THRAP3: variants seen among roughly 807,000 people sequenced by gnomAD.
The protein encoded by THRAP3 is thyroid hormone receptor associated protein 3.
In THRAP3, 16 loss-of-function variants were observed where a neutral mutation model predicts 101.0. The observed-to-expected ratio is 0.16, with a 90% CI of 0.11 to 0.24. THRAP3 has a LOEUF of 0.24. Among genes scored for constraint, THRAP3 ranks in the 10% least tolerant of loss-of-function variants. THRAP3 has a pLI of 1.00. For synonymous variants in THRAP3, 407 were observed against 422.6 expected, an observed-to-expected ratio of 0.96 and a Z score of 0.45; for missense variants, 989 against 1,202.7, an observed-to-expected ratio of 0.82 and a Z score of 2.63.
At chr1:36,222,608 A>C (rs1644908971), upstream of THRAP3, among the ~76,000 whole-genome samples, 1 of 151,964 alleles carries the variant, frequency 6.6e-6, no homozygotes, top group African/African-American at 2.4e-5. Flanking sequence ...GGGTTTCGCC[A>C]TGTTGGCTGG....
intron 2 of THRAP3, among the ~76,000 whole-genome samples, chr1:36,266,000 A>G (rs1447579671): frequency 1.3e-5 from 2 of 151,962 alleles, no homozygotes; most frequent in Admixed American, 6.6e-5. Flanking sequence ...TTGAAAATAC[A>G]AAGATTAGCC....
chr1:36,282,789 G>A (rs1645751076), intron 3 of THRAP3, 89 bp downstream of exon 3: 1 of 1,473,480 alleles, frequency 6.8e-7, no homozygotes, highest in South Asian at 1.2e-5. Context: ...TTTCCTGTGA[G>A]TGTCAAATGG....
intron 9 of THRAP3, among the ~76,000 whole-genome samples, chr1:36,299,678 T>G (rs1034259707): frequency 6.6e-6 from 1 of 151,746 alleles, no homozygotes; most frequent in African/African-American, 2.4e-5. Context: ...CCAGCTAATT[T>G]TTGTATTTTT....
At chr1:36,275,413 C>T (rs557601833) in intron 2 of THRAP3, among the ~76,000 whole-genome samples, 19 of 151,120 alleles carry the variant, frequency 1.3e-4, no homozygotes, top group African/African-American at 4.6e-4. Flanking sequence ...TGGCGAAACC[C>T]TGTCTCTACT....
chr1:36,241,644 T>C (rs1431313013), intron 1 of THRAP3, among the ~76,000 whole-genome samples: 1 of 150,530 alleles, frequency 6.6e-6, no homozygotes, highest in Non-Finnish European at 1.5e-5. Flanking sequence ...AGTGGCGTGA[T>C]CTTGGCTCAC....
intron 2 of THRAP3, among the ~76,000 whole-genome samples, chr1:36,268,864 T>G (rs1262102301): frequency 2.0e-5 from 3 of 152,122 alleles, no homozygotes; most frequent in Non-Finnish European, 4.4e-5. Context: ...TAGCTGTGAC[T>G]ACAGGCGCCC....
intron 1 of THRAP3, among the ~76,000 whole-genome samples, chr1:36,232,917 C>T (rs1645044589): frequency 7.4e-6 from 1 of 135,252 alleles, no homozygotes; most frequent in African/African-American, 2.6e-5. Flanking sequence ...CTCTGTTGCC[C>T]AGGCTGGAGT....
At chr1:36,253,884 T>C (rs1409835372) in intron 1 of THRAP3, among the ~76,000 whole-genome samples, 1 of 151,818 alleles carries the variant, frequency 6.6e-6, no homozygotes, top group Non-Finnish European at 1.5e-5. Flanking sequence ...GGATTACAGA[T>C]GTGAGCTACT....
chr1:36,305,317 A>C lies in THRAP3; in HGVS notation c.*1300A>C, dbSNP rs796109572. The C allele has an allele frequency of 1.6e-5, 3 of 190,380 alleles. No individual in the cohort carries two copies. Among genetic ancestry groups the C allele is most frequent in the Non-Finnish European group, 3.3e-5 (3 of 90,740 alleles). 11.8% of individuals were successfully genotyped at this position (190,380 alleles called of 1,614,324 possible). A position where few individuals can be genotyped will look rare whatever the true frequency, so the allele number is the denominator to read the frequency against. On this transcript the variant is annotated 3_prime_UTR_variant, in exon 12 of 12. Transcript: ENST00000354618. Reference sequence around the variant, plus strand: ...AAAATCTCCCTTAAAATTTGTTTCAACTCCTCCTGCAAATAAAATAAATGA... The same window carrying C: ...AAAATCTCCCTTAAAATTTGTTTCACCTCCTCCTGCAAATAAAATAAATGA...
At position 36,274,042 on chromosome 1, in the gene THRAP3, C is replaced by CAA. The variant is rs35623670; in HGVS notation, c.-31-8478_-31-8477dup. On this transcript the variant is annotated intron_variant, in intron 2 of 11. Coordinates refer to ENST00000354618, the MANE Select transcript of THRAP3 (RefSeq NM_005119.4). ...TGAGCAACAGAGCAAGACTCCACCT[C>CAA]AAAAAAAAAAAAAAGACTGTGTGTG... Among the ~76,000 whole-genome samples, 19 of 79,028 alleles carry CAA rather than the reference C, an allele frequency of 2.4e-4. 1 individual carries two copies. The South Asian group carries it at 7.0e-3, about 29-fold the overall frequency. 51.8% of individuals were successfully genotyped at this position (79,028 alleles called of 152,430 possible).
the THRAP3 span, among the ~76,000 whole-genome samples, chr1:36,217,216 C>A: frequency 6.6e-6 from 1 of 152,082 alleles, no homozygotes; most frequent in Non-Finnish European, 1.5e-5. Context: ...AAGAAGAGTT[C>A]GGTTTCTGGC....
At chr1:36,234,131 G>A (rs548145858) in intron 1 of THRAP3, among the ~76,000 whole-genome samples, 1 of 152,002 alleles carries the variant, frequency 6.6e-6, no homozygotes, top group Admixed American at 6.6e-5. Flanking sequence ...AATTTTTGTA[G>A]TTTTATAGAG....
chr1:36,276,162 C>T (rs1236403911), intron 2 of THRAP3, among the ~76,000 whole-genome samples: 2 of 151,494 alleles, frequency 1.3e-5, no homozygotes, highest in African/African-American at 4.9e-5. Context: ...ACAAAACCTG[C>T]TTAGACATGT....
chr1:36,208,462 A>G, the THRAP3 span, among the ~76,000 whole-genome samples: 1 of 151,892 alleles, frequency 6.6e-6, no homozygotes, highest in South Asian at 2.1e-4. Context: ...TCTCACCCCA[A>G]TCTACCTTTT....
chr1:36,288,855 T>C, intron 4 of THRAP3: 1 of 985,378 alleles, frequency 1.0e-6, no homozygotes, highest in Non-Finnish European at 1.2e-6. Context: ...CATATATTTT[T>C]CTCTTAATTG....
At chr1:36,208,958 T>C in the THRAP3 span, among the ~76,000 whole-genome samples, 26,574 of 141,226 alleles carry the variant, frequency 0.19, 3,990 homozygotes, top group African/African-American at 0.43. Flanking sequence ...TGAGCCACCA[T>C]GTCCAGCCTT....
At chr1:36,231,654 A>G (rs1422769311) in intron 1 of THRAP3, among the ~76,000 whole-genome samples, 1 of 152,110 alleles carries the variant, frequency 6.6e-6, no homozygotes, top group Non-Finnish European at 1.5e-5. Context: ...CGATTTTAGT[A>G]AAAAGGATGG....
At chr1:36,234,976 G>C (rs1645068920) in intron 1 of THRAP3, among the ~76,000 whole-genome samples, 2 of 152,068 alleles carry the variant, frequency 1.3e-5, no homozygotes, top group South Asian at 4.1e-4. Context: ...ACCGCGCCTG[G>C]CTAATTTTTG....
intron 1 of THRAP3, among the ~76,000 whole-genome samples, chr1:36,246,624 C>T (rs970125439): frequency 6.6e-6 from 1 of 152,012 alleles, no homozygotes; most frequent in Non-Finnish European, 1.5e-5. Flanking sequence ...AGGCAGATCA[C>T]GAGGTCAGGA....
Sources: gnomAD v4.1 joint callset for allele counts (sites outside exome capture counted in the v4.1 genomes callset) on GRCh38, gnomAD v4.1.1 for gene constraint, MANE v1.5 for transcripts, NCBI Gene and HGNC (gene_info 2026-07-23, HGNC 2026-07-21) for gene names.